The following IFT43 variants were observed in gnomAD, a reference collection of about 807,000 sequenced individuals.
IFT43 encodes intraflagellar transport 43.
A neutral mutation model predicts 32.3 loss-of-function variants in IFT43; 33 were observed. The ratio of observed to expected loss-of-function variants is 1.02; its 90% CI spans 0.77 to 1.37. The LOEUF is 1.37. IFT43 is among the 40% of genes most tolerant of loss of function. The pLI is 0.00. For synonymous variants in IFT43, 93 were observed against 98.2 expected, an observed-to-expected ratio of 0.95 and a Z score of 0.31; for missense variants, 274 against 265.9, an observed-to-expected ratio of 1.03 and a Z score of -0.21.
rs956242693 is a variant in IFT43 at position 76,009,041 on chromosome 14, C to T, written c.148-13286C>T. On this transcript the variant is annotated intron_variant, in intron 2 of 8. Coordinates refer to ENST00000314067, the MANE Select transcript of IFT43 (RefSeq NM_001102564.3). ...TGAAAGAGATGGTCCTTTCAGTTTGCCCTTGCCGGGTCTTATATTTGTATT... is the reference window on the plus strand; with the variant it reads ...TGAAAGAGATGGTCCTTTCAGTTTGTCCTTGCCGGGTCTTATATTTGTATT... Among the ~76,000 whole-genome samples the T allele has an allele frequency of 3.3e-5, 5 of 152,278 alleles. 1 individual carries two copies. The South Asian group carries it at 1.0e-3, about 32-fold the overall frequency.
At chr14:76,043,301 G>T (rs778798536) in intron 3 of IFT43, among the ~76,000 whole-genome samples, 1 of 152,206 alleles carries the variant, frequency 6.6e-6, no homozygotes, top group East Asian at 1.9e-4. Flanking sequence ...ACCACCACAG[G>T]GTTTAGGATG....
intron 5 of IFT43, among the ~76,000 whole-genome samples, chr14:76,070,764 G>T (rs1034133521): frequency 4.6e-5 from 7 of 151,768 alleles, no homozygotes; most frequent in African/African-American, 1.5e-4. Context: ...AGTGTGTGGC[G>T]CCTCCCCACC....
chr14:76,054,799 G>A (rs1445656826), intron 3 of IFT43, among the ~76,000 whole-genome samples: 1 of 152,186 alleles, frequency 6.6e-6, no homozygotes, highest in Non-Finnish European at 1.5e-5. Context: ...TCAGAGGGCT[G>A]GGCCCAGGTC....
intron 1 of IFT43, 154 bp downstream of exon 1, chr14:75,985,994 C>T (rs1332511591): frequency 2.2e-5 from 34 of 1,527,136 alleles, no homozygotes; most frequent in Non-Finnish European, 7.9e-6. Flanking sequence ...GCCCCGCCCC[C>T]AGGCCACTGT....
At chr14:76,027,335 C>CCG (rs1356070092) in intron 3 of IFT43, among the ~76,000 whole-genome samples, 1 of 46,652 alleles carries the variant, frequency 2.1e-5, no homozygotes, top group Non-Finnish European at 5.2e-5. Context: ...TCCCCAACAC[C>CCG]CCCCACACAC....
At position 76,074,823 on chromosome 14, in the gene IFT43, C is replaced by T. The variant is rs71431116; in HGVS notation, c.296-7472C>T. Among the ~76,000 whole-genome samples the T allele has an allele frequency of 6.4e-3, 982 of 152,342 alleles. 9 individuals are homozygous for T. The highest frequency in any genetic ancestry group is 0.021 in the South Asian group (99 of 4,824). ...TGCTGAAGATCCAGCCAGATCACAA[C>T]TGTGCTGAGGCCTGACTGACCTCAG... On this transcript the variant is annotated intron_variant, in intron 5 of 8. Coordinates refer to ENST00000314067, the MANE Select transcript of IFT43 (RefSeq NM_001102564.3).
intron 5 of IFT43, among the ~76,000 whole-genome samples, chr14:76,061,899 T>A (rs1594855613): frequency 6.6e-6 from 1 of 152,312 alleles, no homozygotes; most frequent in East Asian, 1.9e-4. Context: ...TTGAGCATTA[T>A]GTCAGTGCTC....
At chr14:76,058,163 C>T (rs895999526) in intron 3 of IFT43, 1 of 228,310 alleles carries the variant, frequency 4.4e-6, no homozygotes, top group East Asian at 1.2e-4. Flanking sequence ...AAGGTCCTCT[C>T]GTCCTTCGTG....
intron 5 of IFT43, among the ~76,000 whole-genome samples, chr14:76,064,237 A>G (rs1258645022): frequency 2.0e-5 from 3 of 152,128 alleles, no homozygotes; most frequent in Non-Finnish European, 4.4e-5. Context: ...TAAATATGAG[A>G]TCTTGCATTT....
chr14:76,001,929 C>T (rs996349259), intron 2 of IFT43, among the ~76,000 whole-genome samples: 5 of 152,176 alleles, frequency 3.3e-5, no homozygotes, highest in African/African-American at 9.7e-5. Context: ...GGCAGAAGCT[C>T]TCATGGCTTA....
chr14:75,995,035 C>A (rs948464200), intron 2 of IFT43, among the ~76,000 whole-genome samples: 2 of 151,724 alleles, frequency 1.3e-5, no homozygotes, highest in Non-Finnish European at 3.0e-5. Flanking sequence ...TTTTAATAAT[C>A]ATCATCATAG....
intron 3 of IFT43, among the ~76,000 whole-genome samples, chr14:76,026,609 A>G (rs2036401340): frequency 6.6e-6 from 1 of 152,164 alleles, no homozygotes; most frequent in Admixed American, 6.5e-5. Flanking sequence ...TTGCGGAGAA[A>G]AAGGAACGAT....
intron 2 of IFT43, among the ~76,000 whole-genome samples, chr14:75,998,453 G>A (rs1202932739): frequency 1.3e-5 from 2 of 152,188 alleles, no homozygotes; most frequent in South Asian, 2.1e-4. Flanking sequence ...GGCTTCTGAC[G>A]GAAGTGGACG....
chr14:76,044,907 T>C (rs1328686044), intron 3 of IFT43, among the ~76,000 whole-genome samples: 1 of 152,236 alleles, frequency 6.6e-6, no homozygotes, highest in Admixed American at 6.5e-5. Context: ...ACATTTTTCT[T>C]CTTTCTGCTT....
At chr14:76,062,306 G>A (rs956362175) in intron 5 of IFT43, among the ~76,000 whole-genome samples, 6 of 151,896 alleles carry the variant, frequency 4.0e-5, no homozygotes, top group East Asian at 2.0e-4. Flanking sequence ...TCCTGACTTC[G>A]TGATCCGCCT....
chr14:76,070,233 GTC>G (rs1352331018), intron 5 of IFT43, among the ~76,000 whole-genome samples: 1 of 152,020 alleles, frequency 6.6e-6, no homozygotes, highest in Admixed American at 6.5e-5. Flanking sequence ...TCGTCCCCCT[GTC>G]TCTCCCTCTT....
At chr14:76,023,138 C>T (rs774625983) in intron 3 of IFT43, among the ~76,000 whole-genome samples, 9 of 152,230 alleles carry the variant, frequency 5.9e-5, no homozygotes, top group Non-Finnish European at 1.2e-4. Context: ...ATGGCAGATG[C>T]CATTCTCTCT....
At chr14:75,988,814 G>T in intron 1 of IFT43, 71 bp from the exon 2 acceptor site, 1 of 1,609,650 alleles carries the variant, frequency 6.2e-7, no homozygotes, top group Admixed American at 1.7e-5. Flanking sequence ...CACTGCGCCC[G>T]GCTGGATTGT....
intron 3 of IFT43, among the ~76,000 whole-genome samples, chr14:76,055,231 A>C (rs182210914): frequency 6.0e-4 from 91 of 152,176 alleles, no homozygotes; most frequent in Non-Finnish European, 9.6e-4. Context: ...TTGTAGTCCC[A>C]GCTACTCAGG....
Sources: allele counts gnomAD v4.1 joint callset (sites outside exome capture counted in the v4.1 genomes callset), GRCh38; gene constraint gnomAD v4.1.1; transcripts MANE v1.5; gene names NCBI Gene and HGNC (gene_info 2026-07-23, HGNC 2026-07-21).